The following DNAJC15 variants were observed in gnomAD, a reference collection of about 807,000 sequenced individuals.
DNAJC15 encodes the protein DnaJ heat shock protein family (Hsp40) member C15.
A neutral mutation model predicts 22.4 loss-of-function variants in DNAJC15; 27 were observed. The observed-to-expected ratio is 1.20, with a 90% confidence interval of 0.89 to 1.66. The LOEUF (loss-of-function observed/expected upper bound fraction) is 1.66. Among genes scored for constraint, DNAJC15 ranks in the 40% most tolerant of loss-of-function variants. The pLI is 0.00. For missense variants in DNAJC15, 208 were observed against 187.1 expected (o/e 1.11, Z -0.65); for synonymous variants, 79 against 63.2 (o/e 1.25, Z -1.19).
Position 43,040,133 on chromosome 13 carries a change from G to T in DNAJC15, c.108+16399G>T, listed in dbSNP as rs560255966. Among the ~76,000 whole-genome samples the T allele has an allele frequency of 1.6e-4, 25 of 152,304 alleles. 1 individual carries two copies. In the South Asian group the frequency reaches 4.3e-3, roughly 26 times the overall value. On this transcript the variant is annotated intron_variant, in intron 1 of 5. Transcript: ENST00000379221. ...ACCCAAATGAACCTTGAGCTGCCTA[G>T]AAGACTGAACCTTTGAGAGCAGCTG... is the stretch of plus-strand genomic sequence containing the variant.
chr13:43,059,847 C>G (rs897235477), intron 1 of DNAJC15, among the ~76,000 whole-genome samples: 2 of 151,788 alleles, frequency 1.3e-5, no homozygotes, highest in Non-Finnish European at 3.0e-5. Flanking sequence ...AGCAATGTTT[C>G]GCGGGCATGG....
At chr13:43,103,217 T>C (rs1457770629) in intron 5 of DNAJC15, among the ~76,000 whole-genome samples, 1 of 152,202 alleles carries the variant, frequency 6.6e-6, no homozygotes, top group Non-Finnish European at 1.5e-5. Context: ...TTAATTCTAC[T>C]ATGGTCAGCT....
At position 43,110,621 on chromosome 13, in the gene DNAJC15, C is replaced by T. The variant is rs1231543448; in HGVS notation, c.*3373C>T. ...TTGTACCTAAAGATGCCATCCTAAT[C>T]CCCAGATCTCCACAACTATACCTAC... On this transcript the variant is annotated 3_prime_UTR_variant, in exon 6 of 6. Coordinates refer to ENST00000379221, the MANE Select transcript of DNAJC15 (RefSeq NM_013238.3). The T allele has an allele frequency of 4.0e-5, 6 of 151,180 alleles. No homozygotes were observed. In the East Asian group the frequency reaches 9.8e-4, roughly 25 times the overall value. The allele number at this position is 151,180 out of a possible 1,614,324, so 9.4% of individuals were successfully genotyped here. A position where few individuals can be genotyped will look rare whatever the true frequency, so the allele number is the denominator to read the frequency against.
chr13:43,081,532 A>G (rs1046274850), intron 4 of DNAJC15, among the ~76,000 whole-genome samples: 1 of 151,576 alleles, frequency 6.6e-6, no homozygotes, highest in Non-Finnish European at 1.5e-5. Context: ...TGCGCCTCCC[A>G]GGTTCACGCC....
At chr13:43,097,965 T>A (rs989378180) in intron 5 of DNAJC15, among the ~76,000 whole-genome samples, 1 of 152,034 alleles carries the variant, frequency 6.6e-6, no homozygotes, top group South Asian at 2.1e-4. Flanking sequence ...ATTCAAAATA[T>A]ATTTTGAAGG....
At chr13:43,084,463 C>A (rs1416146546) in intron 4 of DNAJC15, among the ~76,000 whole-genome samples, 2 of 152,154 alleles carry the variant, frequency 1.3e-5, no homozygotes, top group Non-Finnish European at 2.9e-5. Flanking sequence ...AGAATTTGAA[C>A]CTGTTTCTGA....
intron 5 of DNAJC15, among the ~76,000 whole-genome samples, chr13:43,086,633 G>GA (rs2040690072): frequency 1.3e-5 from 2 of 151,990 alleles, no homozygotes; most frequent in Non-Finnish European, 2.9e-5. Context: ...TACTATAAAA[G>GA]TTTTTTTCGC....
intron 3 of DNAJC15, among the ~76,000 whole-genome samples, chr13:43,071,813 T>C (rs1313330273): frequency 1.3e-5 from 2 of 152,246 alleles, no homozygotes; most frequent in African/African-American, 4.8e-5. Context: ...CTCTAAGCTT[T>C]AACATGTTGT....
Position 43,097,095 on chromosome 13 carries a change from C to T in DNAJC15, c.383-10083C>T, listed in dbSNP as rs1197129694. 3.3e-5 allele frequency among the ~76,000 whole-genome samples: 5 copies of T among 151,746 alleles called. 1 individual carries two copies. The highest frequency in any genetic ancestry group is 1.3e-4 in the Admixed American group (2 of 15,178). On this transcript the variant is annotated intron_variant, in intron 5 of 5. Coordinates refer to ENST00000379221, the MANE Select transcript of DNAJC15 (RefSeq NM_013238.3). The stretch of plus-strand genomic sequence containing the variant: ...AGAAAAGGCTGATATAAAAAATGCC[C>T]ATGATGTCATGGATCATAAGTGCTT...
chr13:43,093,692 G>T (rs2040726024), intron 5 of DNAJC15, among the ~76,000 whole-genome samples: 1 of 152,138 alleles, frequency 6.6e-6, no homozygotes. Context: ...TGGGATTACA[G>T]GCATGAGCCA....
At chr13:43,026,709 T>TA (rs1006126028) in intron 1 of DNAJC15, among the ~76,000 whole-genome samples, 2 of 152,214 alleles carry the variant, frequency 1.3e-5, no homozygotes, top group African/African-American at 4.8e-5. Context: ...CACTGTATTT[T>TA]AAAAATGTAA....
At chr13:43,052,079 C>T (rs1043000368) in intron 1 of DNAJC15, among the ~76,000 whole-genome samples, 2 of 152,004 alleles carry the variant, frequency 1.3e-5, no homozygotes, top group Non-Finnish European at 2.9e-5. Context: ...ATTCTCCTGC[C>T]TCAGCCTGCC....
intron 5 of DNAJC15, among the ~76,000 whole-genome samples, chr13:43,098,223 A>G (rs146438349): frequency 3.7e-4 from 57 of 152,338 alleles, no homozygotes; most frequent in African/African-American, 1.3e-3. Context: ...GACCCCTATA[A>G]GGAAGACTTT....
chr13:43,078,452 T>G (rs2040645876), intron 3 of DNAJC15, among the ~76,000 whole-genome samples, 160 bp from the exon 4 acceptor site: 1 of 152,188 alleles, frequency 6.6e-6, no homozygotes, highest in South Asian at 2.1e-4. Flanking sequence ...TGGTCAAAAT[T>G]TCTTGAAAAG....
chr13:43,083,563 A>G (rs911041736), intron 4 of DNAJC15, among the ~76,000 whole-genome samples: 3 of 152,242 alleles, frequency 2.0e-5, no homozygotes, highest in African/African-American at 7.2e-5. Flanking sequence ...CATACAGAAC[A>G]GCTAGAAAAC....
At chr13:43,105,677 C>A (rs776642906) in intron 5 of DNAJC15, among the ~76,000 whole-genome samples, 39 of 152,060 alleles carry the variant, frequency 2.6e-4, no homozygotes, top group Non-Finnish European at 4.9e-4. Context: ...ATTTAAATAT[C>A]CATAATGCAT....
chr13:43,081,715 G>A (rs1488901806), intron 4 of DNAJC15, among the ~76,000 whole-genome samples: 2 of 152,082 alleles, frequency 1.3e-5, no homozygotes, highest in Non-Finnish European at 2.9e-5. Flanking sequence ...GGGATTACAA[G>A]CAGAAGCCAC....
At chr13:43,080,649 T>C (rs1014900325) in intron 4 of DNAJC15, among the ~76,000 whole-genome samples, 6 of 152,246 alleles carry the variant, frequency 3.9e-5, no homozygotes, top group Admixed American at 3.3e-4. Flanking sequence ...TTTTGTTTTG[T>C]TTTTAGCTTT....
At chr13:43,082,553 T>A (rs1267351699) in intron 4 of DNAJC15, among the ~76,000 whole-genome samples, 1 of 152,226 alleles carries the variant, frequency 6.6e-6, no homozygotes, top group Non-Finnish European at 1.5e-5. Flanking sequence ...CATTATTATC[T>A]TAAAGGCAGA....
Sources: allele counts gnomAD v4.1 joint callset (sites outside exome capture counted in the v4.1 genomes callset), GRCh38; gene constraint gnomAD v4.1.1; transcripts MANE v1.5; gene names NCBI Gene and HGNC (gene_info 2026-07-23, HGNC 2026-07-21).